CSMD1: variants seen among roughly 807,000 people sequenced by gnomAD.
CSMD1 encodes the protein CUB and sushi domain-containing protein 1.
Under a neutral mutation model 417.5 loss-of-function variants are expected in CSMD1, and 213 were observed. The observed-to-expected ratio is 0.51, with a 90% CI of 0.46 to 0.57. CSMD1 has a LOEUF of 0.57. Among genes scored for constraint, CSMD1 ranks in the 20% least tolerant of loss-of-function variants. The pLI is 0.00. For synonymous variants in CSMD1, 2,862 were observed against 1,736.8 expected, an observed-to-expected ratio of 1.65 and a Z score of -16.11; for missense variants, 6,923 against 4,529.7, an observed-to-expected ratio of 1.53 and a Z score of -15.17.
At chr8:4,874,086 C>A (rs1180434599) in intron 1 of CSMD1, among the ~76,000 whole-genome samples, 1 of 152,072 alleles carries the variant, frequency 6.6e-6, no homozygotes. Context: ...TAGGCAAGCA[C>A]CGCATCAGGC....
intron 23 of CSMD1, among the ~76,000 whole-genome samples, chr8:3,326,309 A>G (rs914644400): frequency 1.3e-5 from 2 of 152,254 alleles, no homozygotes; most frequent in African/African-American, 2.4e-5. Flanking sequence ...TCAATTAAGC[A>G]TCATCTTGTG....
intron 21 of CSMD1, among the ~76,000 whole-genome samples, chr8:3,351,911 A>G (rs1372711256): frequency 6.6e-6 from 1 of 152,080 alleles, no homozygotes; most frequent in African/African-American, 2.4e-5. Context: ...TGACTTTTAC[A>G]TCTTTTCTCT....
intron 2 of CSMD1, among the ~76,000 whole-genome samples, chr8:4,521,619 T>C (rs1803452484): frequency 6.6e-6 from 1 of 152,202 alleles, no homozygotes; most frequent in Admixed American, 6.5e-5. Flanking sequence ...AATAACAGAA[T>C]TGCAAGGTAA....
chr8:3,291,745 T>A lies in CSMD1; in HGVS notation c.3951-7399A>T, dbSNP rs573619130. Among the ~76,000 whole-genome samples the A allele has an allele frequency of 2.0e-5, 3 of 152,222 alleles. No homozygotes were observed. In the East Asian group the frequency reaches 5.8e-4, roughly 29 times the overall value. Reference sequence around the variant, plus strand: ...CTTCTTTATTTGTCTTGCTAGTGGTTTATCAGTTTTGTTGATCTGTCCAAA... The same window carrying A: ...CTTCTTTATTTGTCTTGCTAGTGGTATATCAGTTTTGTTGATCTGTCCAAA... On this transcript the variant is annotated intron_variant, in intron 25 of 69. Coordinates refer to ENST00000635120, the MANE Select transcript of CSMD1 (RefSeq NM_033225.6).
intron 1 of CSMD1, among the ~76,000 whole-genome samples, chr8:4,812,272 T>C (rs959416207): frequency 8.5e-5 from 13 of 152,322 alleles, no homozygotes; most frequent in Admixed American, 4.6e-4. Context: ...GTTCTAAGTT[T>C]GTCGGGGAGG....
intron 3 of CSMD1, among the ~76,000 whole-genome samples, chr8:4,339,575 T>C (rs1235377421): frequency 6.6e-6 from 1 of 152,116 alleles, no homozygotes; most frequent in Non-Finnish European, 1.5e-5. Flanking sequence ...CTTTCGGTTG[T>C]TTATTTCATC....
intron 1 of CSMD1, among the ~76,000 whole-genome samples, chr8:4,942,750 C>G (rs1421440541): frequency 6.6e-6 from 1 of 152,164 alleles, no homozygotes; most frequent in Non-Finnish European, 1.5e-5. Flanking sequence ...TCAACACAGA[C>G]AGGGAGAAAT....
intron 1 of CSMD1, among the ~76,000 whole-genome samples, chr8:4,643,286 A>G (rs1803319848): frequency 6.6e-6 from 1 of 152,248 alleles, no homozygotes; most frequent in South Asian, 2.1e-4. Flanking sequence ...TCCTTTTACT[A>G]CATCTATTTT....
chr8:3,740,569 T>C (rs1273224688), intron 6 of CSMD1, among the ~76,000 whole-genome samples: 1 of 152,094 alleles, frequency 6.6e-6, no homozygotes, highest in African/African-American at 2.4e-5. Flanking sequence ...GGGAAAGTTA[T>C]ATGGCACACA....
chr8:3,725,178 G>A (rs1354828626), intron 6 of CSMD1, among the ~76,000 whole-genome samples: 1 of 152,136 alleles, frequency 6.6e-6, no homozygotes, highest in Non-Finnish European at 1.5e-5. Context: ...TGCCCTGAAG[G>A]CAAGGAGGTA....
At chr8:4,277,991 G>A (rs1438621963) in intron 3 of CSMD1, among the ~76,000 whole-genome samples, 2 of 151,888 alleles carry the variant, frequency 1.3e-5, no homozygotes, top group Admixed American at 6.6e-5. Context: ...CTCGTGATTC[G>A]CCGCCTTGCC....
In CSMD1 at chr8:3,219,558, T is replaced by G. The variant is rs145631482; in HGVS notation, c.4485-116A>C. ...TTGCTTTTGTATAATGATTTTTCAG[T>G]TAGGGCAATCAAAAAGTTAAATGTA... On this transcript the variant is annotated intron_variant, in intron 28 of 69. Transcript: ENST00000635120. 14 of 706,862 alleles carry G rather than the reference T, an allele frequency of 2.0e-5. No homozygotes were observed. In the African/African-American group the frequency reaches 2.4e-4, roughly 12 times the overall value. The allele number at this position is 706,862 out of a possible 1,614,324, so 43.8% of individuals were successfully genotyped here. A position where few individuals can be genotyped will look rare whatever the true frequency, so the allele number is the denominator to read the frequency against.
At chr8:4,816,820 C>T (rs950490099) in intron 1 of CSMD1, among the ~76,000 whole-genome samples, 1 of 152,106 alleles carries the variant, frequency 6.6e-6, no homozygotes, top group African/African-American at 2.4e-5. Context: ...AGAGCCAGAA[C>T]TGAGAGACTT....
At chr8:4,786,792 T>TAG (rs1797424029) in intron 1 of CSMD1, among the ~76,000 whole-genome samples, 1 of 152,180 alleles carries the variant, frequency 6.6e-6, no homozygotes, top group Non-Finnish European at 1.5e-5. Context: ...CATGCATACA[T>TAG]AGATTTGTCA....
intron 2 of CSMD1, among the ~76,000 whole-genome samples, chr8:4,494,860 A>G (rs1268765306): frequency 6.6e-6 from 1 of 152,202 alleles, no homozygotes; most frequent in Non-Finnish European, 1.5e-5. Context: ...TAGCAATTCT[A>G]CCTGAAACAT....
chr8:3,977,714 C>T (rs1263866959), intron 5 of CSMD1, among the ~76,000 whole-genome samples: 1 of 152,114 alleles, frequency 6.6e-6, no homozygotes, highest in African/African-American at 2.4e-5. Flanking sequence ...TCATAGATGC[C>T]TGGAAATGAA....
Position 4,460,666 on chromosome 8 carries a change from G to C in CSMD1, c.303-40601C>G, listed in dbSNP as rs575579380. ...CTTACAGATATTTAAGAAGAAGACT[G>C]TAAGAGAATTTTATAAACATCTGGT... On this transcript the variant is annotated intron_variant, in intron 2 of 69. Coordinates refer to ENST00000635120, the MANE Select transcript of CSMD1 (RefSeq NM_033225.6). Among the ~76,000 whole-genome samples the C allele has an allele frequency of 1.5e-4, 20 of 131,184 alleles. No homozygotes were observed. In the East Asian group the frequency reaches 2.7e-3, roughly 18 times the overall value. The allele number at this position is 131,184 out of a possible 152,430, so 86.1% of individuals were successfully genotyped here.
intron 3 of CSMD1, among the ~76,000 whole-genome samples, chr8:4,289,126 A>T (rs1179924440): frequency 6.6e-6 from 1 of 152,304 alleles, no homozygotes; most frequent in African/African-American, 2.4e-5. Flanking sequence ...AAATGAATTA[A>T]CTAGTTACAG....
At chr8:4,209,173 T>C (rs1800156194) in intron 3 of CSMD1, among the ~76,000 whole-genome samples, 1 of 152,196 alleles carries the variant, frequency 6.6e-6, no homozygotes, top group South Asian at 2.1e-4. Flanking sequence ...CCCAAGGTTC[T>C]TTCCAGATGT....
Sources: allele counts gnomAD v4.1 joint callset (sites outside exome capture counted in the v4.1 genomes callset), GRCh38; gene constraint gnomAD v4.1.1; transcripts MANE v1.5; gene names NCBI Gene and HGNC (gene_info 2026-07-23, HGNC 2026-07-21).